The following MCC variants were observed in gnomAD, a reference collection of about 807,000 sequenced individuals.
The protein encoded by MCC is colorectal mutant cancer protein.
MCC carries 90 observed loss-of-function variants against 116.2 expected under a neutral mutation model. That is an observed-to-expected ratio of 0.77 (90% CI 0.65 to 0.92). MCC has a LOEUF of 0.92. Among genes scored for constraint, MCC ranks in the 40% least tolerant of loss-of-function variants. The pLI is 0.00. For missense variants in MCC, 1,516 were observed against 1,312.2 expected, an observed-to-expected ratio of 1.16 and a Z score of -2.40; for synonymous variants, 578 against 510.5, an observed-to-expected ratio of 1.13 and a Z score of -1.78.
chr5:113,265,387 C>T (rs1338950525), intron 3 of MCC, among the ~76,000 whole-genome samples: 1 of 152,106 alleles, frequency 6.6e-6, no homozygotes, highest in Non-Finnish European at 1.5e-5. Context: ...CAGAATGAAC[C>T]CCAACCTCAA....
At chr5:113,407,271 C>A (rs17135613) in intron 1 of MCC, among the ~76,000 whole-genome samples, 2,770 of 152,144 alleles carry the variant, frequency 0.018, 31 homozygotes, top group Non-Finnish European at 0.027. Flanking sequence ...TCTCAAAGGA[C>A]CGACAGGAAA....
At chr5:113,156,727 C>G (rs572258521) in intron 3 of MCC, among the ~76,000 whole-genome samples, 9 of 152,298 alleles carry the variant, frequency 5.9e-5, no homozygotes, top group African/African-American at 2.2e-4. Flanking sequence ...CCTCACATTT[C>G]TGGAGATAAA....
intron 3 of MCC, among the ~76,000 whole-genome samples, chr5:113,270,558 G>C (rs111493096): frequency 0.02 from 3,068 of 150,486 alleles, 34 homozygotes; most frequent in Middle Eastern, 0.027. Flanking sequence ...ACAATGTGTC[G>C]TCCCCTTTGC....
At chr5:113,281,920 TATA>T (rs1362181772) in intron 3 of MCC, among the ~76,000 whole-genome samples, 2 of 152,198 alleles carry the variant, frequency 1.3e-5, no homozygotes, top group East Asian at 3.8e-4. Context: ...AGTAGCAAAA[TATA>T]ATAATAATAT....
In MCC at chr5:113,026,345, G is replaced by T. The variant is rs1426457158; in HGVS notation, c.*957C>A. The T allele has an allele frequency of 6.6e-6, 1 of 152,252 alleles. No individual in the cohort carries two copies. Among genetic ancestry groups the T allele is most frequent in the African/African-American group, 2.4e-5 (1 of 41,450 alleles). 9.4% of individuals were successfully genotyped at this position (152,252 alleles called of 1,614,324 possible). On this transcript the variant is annotated 3_prime_UTR_variant, in exon 19 of 19. Transcript: ENST00000408903. ...TATCTCCTCAGTGTCTTGTCCTTAG[G>T]TAGAGACAGGTCCAGAGCTACAAAT...
At chr5:113,344,936 T>G (rs984868276) in intron 2 of MCC, among the ~76,000 whole-genome samples, 4 of 152,208 alleles carry the variant, frequency 2.6e-5, no homozygotes, top group Non-Finnish European at 5.9e-5. Context: ...GACTCTGTCT[T>G]GCACCGCAGG....
intron 8 of MCC, among the ~76,000 whole-genome samples, chr5:113,096,316 C>T (rs1365924211): frequency 6.6e-6 from 1 of 152,204 alleles, no homozygotes; most frequent in East Asian, 1.9e-4. Context: ...AAGTGCTGAC[C>T]ACAATCATAA....
At chr5:113,269,512 T>C (rs1765536052) in intron 3 of MCC, among the ~76,000 whole-genome samples, 1 of 152,192 alleles carries the variant, frequency 6.6e-6, no homozygotes. Context: ...TTAATGTTAT[T>C]CAGACTCTCC....
chr5:113,107,624 G>A (rs186861338), intron 6 of MCC, among the ~76,000 whole-genome samples: 1 of 152,308 alleles, frequency 6.6e-6, no homozygotes, highest in East Asian at 1.9e-4. Context: ...GAATGACCAC[G>A]TACCCTCTGG....
rs141362994 is a variant in MCC, at chr5:113,269,732, T to C, written c.627+70787A>G. Among the ~76,000 whole-genome samples, 183 of 152,276 alleles carry C rather than the reference T, an allele frequency of 1.2e-3. 5 individuals are homozygous for C. The East Asian group carries it at 0.02, about 17-fold the overall frequency. ...TACCTAGTTCAGCTGCCCTTGGTAA[T>C]GTTCATGGAAATGTCAGAGCAGCAA... On this transcript the variant is annotated intron_variant, in intron 3 of 18. Coordinates refer to ENST00000408903, the MANE Select transcript of MCC (RefSeq NM_001085377.2).
intron 3 of MCC, among the ~76,000 whole-genome samples, chr5:113,292,737 A>G (rs1260414839): frequency 1.3e-5 from 2 of 152,152 alleles, no homozygotes; most frequent in Non-Finnish European, 2.9e-5. Context: ...CATTTAAACA[A>G]AGGTTACTGG....
At chr5:113,267,994 A>G (rs1173836164) in intron 3 of MCC, among the ~76,000 whole-genome samples, 1 of 152,176 alleles carries the variant, frequency 6.6e-6, no homozygotes, top group Non-Finnish European at 1.5e-5. Flanking sequence ...CAAACCAGCT[A>G]TATCTTCAAC....
intron 9 of MCC, among the ~76,000 whole-genome samples, chr5:113,084,613 C>T (rs1207726401): frequency 1.4e-5 from 2 of 147,020 alleles, no homozygotes; most frequent in Non-Finnish European, 2.9e-5. Flanking sequence ...ATTGTGGTGG[C>T]TAGCAGAGCT....
chr5:113,182,388 T>C (rs894716884), intron 3 of MCC, among the ~76,000 whole-genome samples: 1 of 152,172 alleles, frequency 6.6e-6, no homozygotes, highest in Non-Finnish European at 1.5e-5. Context: ...AGTGACTCAC[T>C]CAAAACACAC....
At chr5:113,364,651 T>G (rs1202980682) in intron 2 of MCC, among the ~76,000 whole-genome samples, 1 of 152,244 alleles carries the variant, frequency 6.6e-6, no homozygotes, top group Non-Finnish European at 1.5e-5. Flanking sequence ...GTACAGGTTC[T>G]CCATGAGGGC....
At chr5:113,053,396 C>G (rs1249844489) in intron 15 of MCC, among the ~76,000 whole-genome samples, 1 of 152,176 alleles carries the variant, frequency 6.6e-6, no homozygotes, top group Non-Finnish European at 1.5e-5. Flanking sequence ...AGACATATTT[C>G]CAAGCATTCT....
intron 3 of MCC, among the ~76,000 whole-genome samples, chr5:113,336,159 C>T (rs969676860): frequency 6.6e-6 from 1 of 151,412 alleles, no homozygotes; most frequent in East Asian, 1.9e-4. Flanking sequence ...TGGCACCAAT[C>T]CCACCCATGA....
intron 3 of MCC, among the ~76,000 whole-genome samples, chr5:113,224,876 A>G (rs1253565253): frequency 6.6e-6 from 1 of 152,232 alleles, no homozygotes; most frequent in Non-Finnish European, 1.5e-5. Context: ...CCACATCATC[A>G]ATTACATAGG....
chr5:113,251,296 G>C (rs1010742291), intron 3 of MCC, among the ~76,000 whole-genome samples: 10 of 152,052 alleles, frequency 6.6e-5, no homozygotes, highest in Admixed American at 3.9e-4. Flanking sequence ...TTTTTAAGTT[G>C]GTATTGCCTA....
Sources: allele counts gnomAD v4.1 joint callset (sites outside exome capture counted in the v4.1 genomes callset), GRCh38; gene constraint gnomAD v4.1.1; transcripts MANE v1.5; gene names NCBI Gene and HGNC (gene_info 2026-07-23, HGNC 2026-07-21).